PLGRKT: variants seen among roughly 807,000 people sequenced by gnomAD.
PLGRKT encodes the protein plasminogen receptor with a C-terminal lysine, also known as plasminogen receptor (KT).
Under a neutral mutation model 18.5 loss-of-function variants are expected in PLGRKT, and 22 were observed. The observed-to-expected ratio is 1.19, with a 90% CI of 0.85 to 1.70. PLGRKT has a LOEUF of 1.70. Among genes scored for constraint, PLGRKT ranks in the 40% most tolerant of loss-of-function variants. The pLI, the probability that PLGRKT is intolerant of heterozygous loss-of-function variation, is 0.00. For missense variants in PLGRKT, 235 were observed against 174.4 expected (o/e 1.35, Z -1.96); for synonymous variants, 72 against 52.8 (o/e 1.36, Z -1.58).
At chr9:5,379,517 T>C (rs1817696478) in intron 3 of PLGRKT, among the ~76,000 whole-genome samples, 1 of 152,140 alleles carries the variant, frequency 6.6e-6, no homozygotes, top group South Asian at 2.1e-4. Flanking sequence ...TGTGTGTGTG[T>C]ACACAAATAC....
At chr9:5,361,592 G>A (rs1361931842) in intron 4 of PLGRKT, among the ~76,000 whole-genome samples, 166 bp downstream of exon 4, 1 of 152,188 alleles carries the variant, frequency 6.6e-6, no homozygotes, top group Non-Finnish European at 1.5e-5. Flanking sequence ...AACTGTTACT[G>A]CCTTGCTTTC....
intron 3 of PLGRKT, among the ~76,000 whole-genome samples, chr9:5,389,082 T>C (rs908306303): frequency 6.6e-6 from 1 of 151,918 alleles, no homozygotes; most frequent in Admixed American, 6.5e-5. Context: ...ACATAGGACA[T>C]GGACTTGTGT....
At chr9:5,424,575 A>G (rs1198602123) in intron 3 of PLGRKT, among the ~76,000 whole-genome samples, 3 of 132,386 alleles carry the variant, frequency 2.3e-5, no homozygotes, top group African/African-American at 5.9e-5. Flanking sequence ...TATAATATAT[A>G]TTACTTATTA....
Position 5,379,340 on chromosome 9 carries a change from T to C in PLGRKT, c.82-17452A>G, listed in dbSNP as rs188569455. ...AAAAAGAAAACTTTGAAAATTGTCT[T>C]ACCTGCCAGACATATAAAGTTACTA... On this transcript the variant is annotated intron_variant, in intron 3 of 5. Coordinates refer to ENST00000223864, the MANE Select transcript of PLGRKT (RefSeq NM_018465.4). Among the ~76,000 whole-genome samples the C allele has an allele frequency of 1.2e-3, 182 of 152,316 alleles. 1 individual carries two copies. Among genetic ancestry groups the C allele is most frequent in the African/African-American group, 4.0e-3 (165 of 41,572 alleles).
At chr9:5,389,221 T>C (rs1193303679) in intron 3 of PLGRKT, among the ~76,000 whole-genome samples, 1 of 151,812 alleles carries the variant, frequency 6.6e-6, no homozygotes, top group Admixed American at 6.6e-5. Context: ...CAGTGAAAAA[T>C]AGTAAGGCTG....
At chr9:5,366,564 C>A (rs1381508992) in intron 3 of PLGRKT, among the ~76,000 whole-genome samples, 1 of 152,080 alleles carries the variant, frequency 6.6e-6, no homozygotes, top group South Asian at 2.1e-4. Flanking sequence ...ACATAAGACG[C>A]TCCACAAACT....
chr9:5,360,061 T>A (rs1352935573), intron 5 of PLGRKT, among the ~76,000 whole-genome samples: 1 of 152,176 alleles, frequency 6.6e-6, no homozygotes, highest in East Asian at 1.9e-4. Context: ...ATGGTTGGTG[T>A]TTTCATTTAC....
chr9:5,431,203 A>G (rs1401868520), intron 3 of PLGRKT, among the ~76,000 whole-genome samples: 1 of 152,120 alleles, frequency 6.6e-6, no homozygotes, highest in African/African-American at 2.4e-5. Context: ...GCATCTTCAA[A>G]TCTCTCTTAT....
At chr9:5,364,886 A>C (rs1365449158) in intron 3 of PLGRKT, among the ~76,000 whole-genome samples, 1 of 152,222 alleles carries the variant, frequency 6.6e-6, no homozygotes, top group Non-Finnish European at 1.5e-5. Flanking sequence ...ACTGGATTAG[A>C]GCCAATGACA....
rs1034186653 is a variant in PLGRKT, at chr9:5,437,844, C to G, written c.-188G>C. On this transcript the variant is annotated 5_prime_UTR_variant, in exon 1 of 6. Transcript: ENST00000223864. ...CGGTACGCAAACCTCCAGGCCCGGG[C>G]TCCTTTCGCCCGCTGCAGGGACCGG... The G allele has an allele frequency of 6.6e-6, 1 of 152,272 alleles. No homozygotes were observed. Among genetic ancestry groups the G allele is most frequent in the Non-Finnish European group, 1.5e-5 (1 of 68,056 alleles). The allele number at this position is 152,272 out of a possible 1,614,324, so 9.4% of individuals were successfully genotyped here.
At chr9:5,422,180 C>T (rs1047482759) in intron 3 of PLGRKT, among the ~76,000 whole-genome samples, 11 of 152,136 alleles carry the variant, frequency 7.2e-5, no homozygotes, top group African/African-American at 2.7e-4. Flanking sequence ...AGGCAATGAT[C>T]ATGAGTGGAT....
At chr9:5,390,477 C>T (rs548876094) in intron 3 of PLGRKT, among the ~76,000 whole-genome samples, 2 of 151,994 alleles carry the variant, frequency 1.3e-5, no homozygotes, top group Non-Finnish European at 2.9e-5. Context: ...CCTTGGCTGT[C>T]CCCACAGGGT....
chr9:5,401,988 A>G (rs775481902), intron 3 of PLGRKT, among the ~76,000 whole-genome samples: 2 of 151,792 alleles, frequency 1.3e-5, no homozygotes, highest in African/African-American at 2.4e-5. Flanking sequence ...AGTTACAGCA[A>G]AGTCTTACCC....
At position 5,410,382 on chromosome 9, in the gene PLGRKT, A is replaced by G. The variant is rs367698823; in HGVS notation, c.81+21515T>C. 7.9e-5 allele frequency among the ~76,000 whole-genome samples: 12 copies of G among 152,140 alleles called. No homozygotes were observed. In the East Asian group the frequency reaches 1.7e-3, roughly 22 times the overall value. On this transcript the variant is annotated intron_variant, in intron 3 of 5. Coordinates refer to ENST00000223864, the MANE Select transcript of PLGRKT (RefSeq NM_018465.4). The stretch of plus-strand genomic sequence containing the variant: ...GAAACCCCCATCTATACTAAAAAAA[A>G]GTTCAAAAATTAGCTGACATGCTCA...
At chr9:5,403,285 G>A (rs935425081) in intron 3 of PLGRKT, among the ~76,000 whole-genome samples, 4 of 146,578 alleles carry the variant, frequency 2.7e-5, no homozygotes, top group Admixed American at 1.4e-4. Context: ...GTACAATGGT[G>A]CGATCTCCGC....
At chr9:5,416,737 G>A (rs553429597) in intron 3 of PLGRKT, among the ~76,000 whole-genome samples, 1 of 152,198 alleles carries the variant, frequency 6.6e-6, no homozygotes, top group Non-Finnish European at 1.5e-5. Flanking sequence ...CTGCCCTGGA[G>A]AAGTGTCTGT....
chr9:5,417,273 G>C (rs1270922268), intron 3 of PLGRKT, among the ~76,000 whole-genome samples: 1 of 152,146 alleles, frequency 6.6e-6, no homozygotes, highest in Admixed American at 6.5e-5. Flanking sequence ...ACAGTGTCTA[G>C]CTTCGGTATG....
chr9:5,399,855 G>A (rs1270818039), intron 3 of PLGRKT, among the ~76,000 whole-genome samples: 1 of 151,494 alleles, frequency 6.6e-6, no homozygotes, highest in Non-Finnish European at 1.5e-5. Flanking sequence ...GCCAGGCCTG[G>A]TGGTGCACGC....
At chr9:5,375,842 C>G (rs1586708299) in intron 3 of PLGRKT, among the ~76,000 whole-genome samples, 1 of 152,210 alleles carries the variant, frequency 6.6e-6, no homozygotes, top group Non-Finnish European at 1.5e-5. Context: ...AGCAATTCCA[C>G]TTCTGGGTCT....
Sources: gnomAD v4.1 joint callset for allele counts (sites outside exome capture counted in the v4.1 genomes callset) on GRCh38, gnomAD v4.1.1 for gene constraint, MANE v1.5 for transcripts, NCBI Gene and HGNC (gene_info 2026-07-23, HGNC 2026-07-21) for gene names.